PCDH15: variants seen among roughly 807,000 people sequenced by gnomAD.
The protein encoded by PCDH15 is protocadherin-15.
In PCDH15, 129 loss-of-function variants were observed where a neutral mutation model predicts 178.5. The observed-to-expected ratio is 0.72, with a 90% confidence interval of 0.63 to 0.84. The LOEUF (loss-of-function observed/expected upper bound fraction) is 0.84. Ranked by LOEUF, PCDH15 falls within the 40% of genes least tolerant of loss-of-function variation. The pLI is 0.00. For synonymous variants in PCDH15, 800 were observed against 732.0 expected (o/e 1.09, Z -1.50); for missense variants, 2,230 against 2,099.9 (o/e 1.06, Z -1.21).
intron 2 of PCDH15, among the ~76,000 whole-genome samples, chr10:55,351,971 G>T (rs1844948183): frequency 6.6e-6 from 1 of 152,100 alleles, no homozygotes; most frequent in Non-Finnish European, 1.5e-5. Context: ...TGTGCCACTT[G>T]TGGTGCTAAA....
intron 2 of PCDH15, among the ~76,000 whole-genome samples, chr10:55,548,250 AC>A (rs1841934371): frequency 2.0e-5 from 3 of 150,114 alleles, no homozygotes; most frequent in African/African-American, 5.0e-5. Context: ...ACACACACAC[AC>A]ACAAACATGA....
intron 2 of PCDH15, among the ~76,000 whole-genome samples, chr10:54,950,685 G>C (rs1200435068): frequency 6.6e-6 from 1 of 151,866 alleles, no homozygotes; most frequent in Non-Finnish European, 1.5e-5. Context: ...AAAACAATTA[G>C]ATCTCATGAG....
chr10:54,634,816 C>T (rs1272549418), intron 2 of PCDH15, among the ~76,000 whole-genome samples: 1 of 151,984 alleles, frequency 6.6e-6, no homozygotes, highest in Non-Finnish European at 1.5e-5. Flanking sequence ...CAATTATAAA[C>T]TGCTGCTTAT....
At chr10:54,288,649 C>A (rs1464393978) in intron 8 of PCDH15, among the ~76,000 whole-genome samples, 1 of 152,166 alleles carries the variant, frequency 6.6e-6, no homozygotes, top group African/African-American at 2.4e-5. Flanking sequence ...AAAAATGGGA[C>A]ACTCCCGCCC....
rs143201031 is a variant in PCDH15, at chr10:55,212,548, A to G, written c.-155-45897T>C. 4.3e-3 allele frequency among the ~76,000 whole-genome samples: 647 copies of G among 152,194 alleles called. 8 individuals carry two copies. Among genetic ancestry groups the G allele is most frequent in the African/African-American group, 0.015 (627 of 41,474 alleles). ...CAGAAAGAGATCCCTATAATCAGGA[A>G]TGATAATTTAAATAGTTAACAAGGG... On this transcript the variant is annotated intron_variant, in intron 1 of 5. Transcript: ENST00000458638.
chr10:54,652,000 C>T (rs1247960545), intron 2 of PCDH15, among the ~76,000 whole-genome samples: 4 of 151,672 alleles, frequency 2.6e-5, no homozygotes. Flanking sequence ...CACCTACCTT[C>T]CCAGTTCTTA....
intron 2 of PCDH15, among the ~76,000 whole-genome samples, chr10:54,963,249 T>G (rs984039406): frequency 6.6e-6 from 1 of 152,148 alleles, no homozygotes; most frequent in Admixed American, 6.5e-5. Context: ...TCAGTTCCAC[T>G]GGCTGTAGGT....
At chr10:55,618,852 T>C (rs1843530414) in intron 2 of PCDH15, among the ~76,000 whole-genome samples, 1 of 152,000 alleles carries the variant, frequency 6.6e-6, no homozygotes, top group Non-Finnish European at 1.5e-5. Context: ...AGAAAATTGT[T>C]TGTCCTACAA....
chr10:55,341,476 T>A (rs922880764), intron 2 of PCDH15, among the ~76,000 whole-genome samples: 1 of 151,538 alleles, frequency 6.6e-6, no homozygotes, highest in African/African-American at 2.4e-5. Context: ...AATCAATAAT[T>A]ATTCTAAATG....
At chr10:55,331,348 T>C (rs1844193803) in intron 2 of PCDH15, among the ~76,000 whole-genome samples, 1 of 152,032 alleles carries the variant, frequency 6.6e-6, no homozygotes, top group Non-Finnish European at 1.5e-5. Context: ...TTATATATAC[T>C]TTGGATCAAC....
intron 2 of PCDH15, among the ~76,000 whole-genome samples, chr10:55,340,910 G>C (rs536072849): frequency 1.3e-5 from 2 of 151,856 alleles, no homozygotes; most frequent in Non-Finnish European, 2.9e-5. Context: ...TACATCTTAC[G>C]ATTCACATTC....
intron 3 of PCDH15, among the ~76,000 whole-genome samples, chr10:54,461,091 A>G (rs1395831035): frequency 6.6e-6 from 1 of 152,086 alleles, no homozygotes; most frequent in Non-Finnish European, 1.5e-5. Flanking sequence ...CATATTAGCC[A>G]ATGGTATTCA....
chr10:54,093,970 T>C (rs1421344139), intron 15 of PCDH15, among the ~76,000 whole-genome samples: 1 of 152,202 alleles, frequency 6.6e-6, no homozygotes, highest in Non-Finnish European at 1.5e-5. Context: ...AATCAAGTCA[T>C]ATCCGAGTCC....
chr10:54,019,271 T>C (rs2092836616), intron 20 of PCDH15, among the ~76,000 whole-genome samples: 1 of 152,146 alleles, frequency 6.6e-6, no homozygotes, highest in Non-Finnish European at 1.5e-5. Context: ...TAAGAAATTA[T>C]TGTCATGTAA....
intron 3 of PCDH15, among the ~76,000 whole-genome samples, chr10:54,479,937 C>A (rs1565380643): frequency 6.6e-6 from 1 of 152,014 alleles, no homozygotes; most frequent in Non-Finnish European, 1.5e-5. Context: ...CCAGAAAAAA[C>A]TCTTGAGTCT....
At chr10:53,810,475 G>A (rs2075823191) in intron 37 of PCDH15, 81 bp downstream of exon 37, 12 of 1,280,068 alleles carry the variant, frequency 9.4e-6, no homozygotes, top group South Asian at 7.2e-5. Context: ...AAGCTGAAAT[G>A]TTCTACAGCC....
chr10:55,363,838 A>G (rs1845289926), intron 2 of PCDH15, among the ~76,000 whole-genome samples: 1 of 151,940 alleles, frequency 6.6e-6, no homozygotes, highest in Non-Finnish European at 1.5e-5. Flanking sequence ...AGATTTCACT[A>G]TGTTAGCCAG....
At position 54,139,648 on chromosome 10, in the gene PCDH15, C is replaced by A. The variant is rs1176475409; in HGVS notation, c.1785-6641G>T. 1.0e-3 allele frequency among the ~76,000 whole-genome samples: 155 copies of A among 152,072 alleles called. 2 individuals are homozygous for A. The highest frequency in any genetic ancestry group is 7.4e-5 in the Non-Finnish European group (5 of 67,984). The stretch of plus-strand genomic sequence containing the variant: ...TTTTGTTCACTAAAATTTAAGGCTA[C>A]TAAGAATTCTAAAGAAGATGTGTTT... On this transcript the variant is annotated intron_variant, in intron 14 of 37. Coordinates refer to ENST00000644397, the MANE Select transcript of PCDH15 (RefSeq NM_001384140.1).
At chr10:54,788,988 A>T in intron 1 of PCDH15, among the ~76,000 whole-genome samples, 1 of 151,868 alleles carries the variant, frequency 6.6e-6, no homozygotes, top group Middle Eastern at 3.2e-3. Flanking sequence ...GAAGATATTT[A>T]TATTCCCCAT....
Sources: gnomAD v4.1 joint callset for allele counts (sites outside exome capture counted in the v4.1 genomes callset) on GRCh38, gnomAD v4.1.1 for gene constraint, MANE v1.5 for transcripts, NCBI Gene and HGNC (gene_info 2026-07-23, HGNC 2026-07-21) for gene names.